SPAST: variants seen among roughly 807,000 people sequenced by gnomAD.
The protein encoded by SPAST is spastin, also known as spastic paraplegia 4 (autosomal dominant; spastin).
A neutral mutation model predicts 76.6 loss-of-function variants in SPAST; 30 were observed. That is an observed-to-expected ratio of 0.39 (90% CI 0.29 to 0.53). SPAST has a LOEUF of 0.53. Among genes scored for constraint, SPAST ranks in the 20% least tolerant of loss-of-function variants. The pLI, the probability that SPAST is intolerant of heterozygous loss-of-function variation, is 0.68. For missense variants in SPAST, 717 were observed against 770.5 expected (o/e 0.93, Z 0.82); for synonymous variants, 305 against 281.0 (o/e 1.09, Z -0.86).
chr2:32,095,690 G>T (rs1573082930), intron 3 of SPAST, among the ~76,000 whole-genome samples: 1 of 152,106 alleles, frequency 6.6e-6, no homozygotes, highest in Non-Finnish European at 1.5e-5. Flanking sequence ...AGTGAGCCAT[G>T]AGTACACCAC....
At chr2:32,066,331 A>T (rs115801313) in intron 1 of SPAST, among the ~76,000 whole-genome samples, 1 of 152,284 alleles carries the variant, frequency 6.6e-6, no homozygotes, top group African/African-American at 2.4e-5. Flanking sequence ...GGGGAGAATT[A>T]AAACGGTTGC....
chr2:32,116,345 T>A, intron 7 of SPAST, 133 bp downstream of exon 7: 1 of 650,152 alleles, frequency 1.5e-6, no homozygotes, highest in Non-Finnish European at 2.7e-6. Flanking sequence ...TTTAATGTTT[T>A]AAAAAAGATA....
At chr2:32,087,022 C>T (rs1300936579) in intron 1 of SPAST, among the ~76,000 whole-genome samples, 3 of 152,110 alleles carry the variant, frequency 2.0e-5, no homozygotes, top group African/African-American at 7.2e-5. Flanking sequence ...CTTGTAATCT[C>T]ATACAGCAGT....
chr2:32,128,339 GT>G (rs1292288580), intron 8 of SPAST, 68 bp from the exon 9 acceptor site: 1 of 1,146,286 alleles, frequency 8.7e-7, no homozygotes, highest in East Asian at 2.5e-5. Context: ...ACTTAAATCG[GT>G]AAATATGGTT....
At chr2:32,127,276 CCTGTCTAGGTTT>C in intron 8 of SPAST, 1 of 466,918 alleles carries the variant, frequency 2.1e-6, no homozygotes, top group Non-Finnish European at 3.9e-6. Context: ...CGCCACCACA[CCTGTCTAGGTTT>C]TTTATTTTTG....
intron 9 of SPAST, 136 bp from the exon 10 acceptor site, chr2:32,136,427 C>T: frequency 1.4e-6 from 1 of 706,240 alleles, no homozygotes; most frequent in South Asian, 1.5e-5. Flanking sequence ...AGTACTCTCC[C>T]CTTTCTCAAA....
intron 4 of SPAST, among the ~76,000 whole-genome samples, chr2:32,105,834 AGG>A (rs1678299826): frequency 1.3e-5 from 2 of 152,132 alleles, no homozygotes; most frequent in African/African-American, 4.8e-5. Context: ...TTCGTCTGAC[AGG>A]GGTACCCAGG....
chr2:32,156,680 G>A lies in SPAST; in HGVS notation c.*2184G>A, dbSNP rs1680265137. 1 of 152,004 alleles carries A rather than the reference G, an allele frequency of 6.6e-6. No individual in the cohort carries two copies. The highest frequency in any genetic ancestry group is 2.4e-5 in the African/African-American group (1 of 41,398). 9.4% of individuals were successfully genotyped at this position (152,004 alleles called of 1,614,324 possible). On this transcript the variant is annotated 3_prime_UTR_variant, in exon 17 of 17. Transcript: ENST00000315285. ...TAAAAGATTAACGTTATTGATACTTGGATAACTGGCTAATCATATTAAAGG... is the reference window on the plus strand; with the variant it reads ...TAAAAGATTAACGTTATTGATACTTAGATAACTGGCTAATCATATTAAAGG...
chr2:32,157,633 CTTTAT>C (rs1255848530), exon 17 of SPAST: 18 of 152,462 alleles, frequency 1.2e-4, no homozygotes, highest in East Asian at 3.3e-3. Context: ...AAATGATAAA[CTTTAT>C]TTTGTCTTTA....
chr2:32,151,232 C>T (rs1680075629), intron 16 of SPAST, among the ~76,000 whole-genome samples: 2 of 151,886 alleles, frequency 1.3e-5, no homozygotes, highest in Non-Finnish European at 2.9e-5. Context: ...TGTGAGCCAC[C>T]ATGCCTGGCT....
At chr2:32,113,487 T>A (rs892815297) in intron 4 of SPAST, among the ~76,000 whole-genome samples, 2 of 152,020 alleles carry the variant, frequency 1.3e-5, no homozygotes, top group Non-Finnish European at 2.9e-5. Context: ...TACTTTTTTT[T>A]CCTCTGTACA....
At chr2:32,146,206 G>A (rs1216153976) in intron 15 of SPAST, among the ~76,000 whole-genome samples, 3 of 152,100 alleles carry the variant, frequency 2.0e-5, no homozygotes, top group African/African-American at 7.2e-5. Context: ...TTCTTAGAAC[G>A]TTTTGGCTAT....
rs1308214637 is a variant in SPAST, at chr2:32,115,740, C to A, written c.909C>A (p.Thr303=). ...CAAATAGGACAAATAAACCTTCTACCCCTACAACTGCTACTCGTAAGAAAA... is the reference window on the plus strand; with the variant it reads ...CAAATAGGACAAATAAACCTTCTACACCTACAACTGCTACTCGTAAGAAAA... ...PKTNRTNKPS[T]PTTATRKKKD... The change falls in exon 6 of 17, where the codon ACC becomes ACA. Residue 303 remains threonine (T), a synonymous_variant. Transcript: ENST00000315285. The A allele has an allele frequency of 6.2e-7, 1 of 1,610,718 alleles. No individual in the cohort carries two copies. Among genetic ancestry groups the A allele is most frequent in the South Asian group, 1.1e-5 (1 of 90,912 alleles).
At chr2:32,072,446 T>A (rs1676791409) in intron 1 of SPAST, among the ~76,000 whole-genome samples, 1 of 152,086 alleles carries the variant, frequency 6.6e-6, no homozygotes, top group African/African-American at 2.4e-5. Flanking sequence ...TCTTAATATC[T>A]CTGTTTTAAT....
chr2:32,154,536 A>G lies in SPAST; in HGVS notation c.*40A>G. 1 of 1,605,284 alleles carries G rather than the reference A, an allele frequency of 6.2e-7. No individual in the cohort carries two copies. The highest frequency in any genetic ancestry group is 8.5e-7 in the Non-Finnish European group (1 of 1,172,306). ...AAACCTGCAGAACATTTTACTTAAA[A>G]GAGGAAACACAAGATCTTCAATGAA... On this transcript the variant is annotated 3_prime_UTR_variant, in exon 17 of 17. Coordinates refer to ENST00000315285, the MANE Select transcript of SPAST (RefSeq NM_014946.4).
chr2:32,087,536 G>A lies in SPAST; in HGVS notation c.460G>A (p.Glu154Lys). ...QAVEWYKKGIEELEKGIAVIV... is the reference protein window; with the variant it reads ...QAVEWYKKGIKELEKGIAVIV... ...TGTGGAATGGTATAAGAAAGGTATTGAAGAACTGGAAAAAGGAATAGCTGT... is the reference window on the plus strand; with the variant it reads ...TGTGGAATGGTATAAGAAAGGTATTAAAGAACTGGAAAAAGGAATAGCTGT... Residue 154 changes from glutamate to lysine, a missense_variant, in exon 2 of 17, where the codon GAA becomes AAA. This residue lies in a region of SPAST where 543 missense variants were observed against 445.2 expected (regional missense o/e 1.22). Coordinates refer to ENST00000315285, the MANE Select transcript of SPAST (RefSeq NM_014946.4). 1 of 1,608,832 alleles carries A rather than the reference G, an allele frequency of 6.2e-7. No homozygotes were observed. The highest frequency in any genetic ancestry group is 8.5e-7 in the Non-Finnish European group (1 of 1,176,182).
At chr2:32,096,871 C>G (rs1006684829) in intron 3 of SPAST, among the ~76,000 whole-genome samples, 9 of 150,998 alleles carry the variant, frequency 6.0e-5, no homozygotes, top group African/African-American at 2.2e-4. Context: ...GATGACCAAC[C>G]TGTTAGCTCA....
At chr2:32,067,286 TC>T (rs1232976237) in intron 1 of SPAST, among the ~76,000 whole-genome samples, 2 of 152,234 alleles carry the variant, frequency 1.3e-5, no homozygotes, top group Non-Finnish European at 2.9e-5. Flanking sequence ...GGTTTCGAGC[TC>T]CTGACCTCAA....
intron 4 of SPAST, among the ~76,000 whole-genome samples, chr2:32,111,428 GTA>G (rs920665182): frequency 9.6e-5 from 14 of 146,462 alleles, no homozygotes; most frequent in African/African-American, 2.7e-4. Flanking sequence ...AGTGTATAGA[GTA>G]TATATATAGT....
Sources: allele counts gnomAD v4.1 joint callset (sites outside exome capture counted in the v4.1 genomes callset), GRCh38; gene constraint gnomAD v4.1.1; regional missense constraint gnomAD v4.1.1; transcripts MANE v1.5; gene names NCBI Gene and HGNC (gene_info 2026-07-23, HGNC 2026-07-21).